RANBP2: variants seen among roughly 807,000 people sequenced by gnomAD.
RANBP2 encodes RAN binding protein 2.
A neutral mutation model predicts 303.6 loss-of-function variants in RANBP2; 57 were observed. The observed-to-expected ratio is 0.19, with a 90% CI of 0.15 to 0.23. The LOEUF is 0.23. Among genes scored for constraint, RANBP2 ranks in the 10% least tolerant of loss-of-function variants. RANBP2 has a pLI of 1.00. For missense variants in RANBP2, 3,138 were observed against 3,780.8 expected, an observed-to-expected ratio of 0.83 and a Z score of 4.46; for synonymous variants, 1,167 against 1,301.5, an observed-to-expected ratio of 0.90 and a Z score of 2.23.
At chr2:108,864,074 C>A in the RANBP2 span, among the ~76,000 whole-genome samples, 3 of 152,042 alleles carry the variant, frequency 2.0e-5, no homozygotes, top group Non-Finnish European at 4.4e-5. Context: ...ATGTGTTACA[C>A]TAGTGTGTAA....
At chr2:108,786,806 T>A, downstream of RANBP2, 2 of 1,578,136 alleles carry the variant, frequency 1.3e-6, no homozygotes, top group Non-Finnish European at 1.7e-6. Flanking sequence ...GGGAGACTGG[T>A]ACGGTTGCTG....
chr2:109,479,995 C>T, the RANBP2 span, among the ~76,000 whole-genome samples: 10 of 152,248 alleles, frequency 6.6e-5, no homozygotes, highest in African/African-American at 1.7e-4. Flanking sequence ...TGAGGCCACG[C>T]GTCATCACAG....
At chr2:109,094,757 G>A in the RANBP2 span, among the ~76,000 whole-genome samples, 1 of 152,136 alleles carries the variant, frequency 6.6e-6, no homozygotes, top group Admixed American at 6.5e-5. Context: ...TTCAACTCGA[G>A]AGGTGGAGGT....
chr2:109,411,089 G>A, the RANBP2 span, among the ~76,000 whole-genome samples: 1 of 152,222 alleles, frequency 6.6e-6, no homozygotes, highest in Non-Finnish European at 1.5e-5. Context: ...AGCCAGGCCT[G>A]CGTCCAGGGC....
the RANBP2 span, among the ~76,000 whole-genome samples, chr2:109,659,865 G>A: frequency 6.8e-4 from 104 of 152,276 alleles, no homozygotes; most frequent in African/African-American, 2.4e-3. Flanking sequence ...CCCCGGCCAG[G>A]TATGAGGGTT....
chr2:109,050,446 G>GC, the RANBP2 span, among the ~76,000 whole-genome samples: 1 of 151,294 alleles, frequency 6.6e-6, no homozygotes, highest in South Asian at 2.1e-4. Context: ...AGAGATGGGG[G>GC]GTCTCATGAG....
Position 108,784,027 on chromosome 2 carries a change from A to C in RANBP2, c.*126A>C, listed in dbSNP as rs1475188876. ...TTCCGATTTACAAATGTAAAATTGC[A>C]GCTTATAGCTGTTGTCACTTTTTAA... is the stretch of plus-strand genomic sequence containing the variant. On this transcript the variant is annotated 3_prime_UTR_variant, in exon 29 of 29. Transcript: ENST00000283195. The C allele has an allele frequency of 2.2e-6, 2 of 911,032 alleles. No homozygotes were observed. Among genetic ancestry groups the C allele is most frequent in the Admixed American group, 2.6e-5 (1 of 38,094 alleles). 56.4% of individuals were successfully genotyped at this position (911,032 alleles called of 1,614,324 possible). A position where few individuals can be genotyped will look rare whatever the true frequency, so the allele number is the denominator to read the frequency against.
chr2:109,176,450 G>A, the RANBP2 span, among the ~76,000 whole-genome samples: 1 of 152,172 alleles, frequency 6.6e-6, no homozygotes, highest in South Asian at 2.1e-4. Context: ...AAGGCATAGG[G>A]GCCAGCCATG....
the RANBP2 span, chr2:109,737,530 T>TGCCTCCACTAC: frequency 1.8e-6 from 1 of 546,040 alleles, no homozygotes; most frequent in African/African-American, 1.9e-5. Flanking sequence ...ATGGCAGTAG[T>TGCCTCCACTAC]GGAGGCAGAA....
At chr2:109,378,383 TC>T in the RANBP2 span, among the ~76,000 whole-genome samples, 2 of 152,164 alleles carry the variant, frequency 1.3e-5, no homozygotes, top group Non-Finnish European at 2.9e-5. Context: ...AGTTCTCAAC[TC>T]CCAGTTGACT....
At chr2:109,129,532 G>A in the RANBP2 span, 4 of 1,496,802 alleles carry the variant, frequency 2.7e-6, no homozygotes, top group East Asian at 5.6e-5. Context: ...CGCTGCGGGC[G>A]CCTCCCCCAT....
At chr2:109,455,259 G>C in the RANBP2 span, among the ~76,000 whole-genome samples, 1 of 152,106 alleles carries the variant, frequency 6.6e-6, no homozygotes, top group African/African-American at 2.4e-5. Flanking sequence ...GGCTGGCCTT[G>C]GGGGGAGAAA....
chr2:109,449,248 G>A, the RANBP2 span: 12 of 1,612,216 alleles, frequency 7.4e-6, no homozygotes, highest in Admixed American at 5.0e-5. Context: ...TCTCCATCCC[G>A]CCTGCCTGCC....
the RANBP2 span, among the ~76,000 whole-genome samples, chr2:108,943,994 G>A: frequency 1.3e-5 from 2 of 152,282 alleles, no homozygotes; most frequent in Non-Finnish European, 1.5e-5. Context: ...ATGTGGAAGT[G>A]TTTTGAATGT....
the RANBP2 span, among the ~76,000 whole-genome samples, chr2:109,725,527 G>T: frequency 6.6e-6 from 1 of 152,192 alleles, no homozygotes; most frequent in Non-Finnish European, 1.5e-5. Context: ...CTGCTCTCAT[G>T]CCATCCTGGG....
the RANBP2 span, among the ~76,000 whole-genome samples, chr2:109,338,432 C>T: frequency 6.2e-5 from 9 of 145,946 alleles, no homozygotes; most frequent in African/African-American, 2.3e-4. Flanking sequence ...CTTAGGGAAA[C>T]TTTTTTTTTT....
At chr2:109,148,647 G>A in the RANBP2 span, among the ~76,000 whole-genome samples, 5 of 152,338 alleles carry the variant, frequency 3.3e-5, no homozygotes, top group South Asian at 2.1e-4. Flanking sequence ...AAGCCACAGC[G>A]TTTAAAAATG....
the RANBP2 span, among the ~76,000 whole-genome samples, chr2:109,138,594 C>T: frequency 2.6e-5 from 4 of 152,166 alleles, no homozygotes; most frequent in East Asian, 1.9e-4. Context: ...CTGGGCAGCC[C>T]GCTGCTGCTG....
chr2:109,061,435 G>C, the RANBP2 span, among the ~76,000 whole-genome samples: 1 of 152,028 alleles, frequency 6.6e-6, no homozygotes. Flanking sequence ...TCATCTCTTT[G>C]GGTCTGTGTG....
Sources: allele counts gnomAD v4.1 joint callset (sites outside exome capture counted in the v4.1 genomes callset), GRCh38; gene constraint gnomAD v4.1.1; transcripts MANE v1.5; gene names NCBI Gene and HGNC (gene_info 2026-07-23, HGNC 2026-07-21).